The following PHF10 variants were observed in gnomAD, a reference collection of about 807,000 sequenced individuals.
The protein encoded by PHF10 is PHD finger protein 10.
In PHF10, 51 loss-of-function variants were observed where a neutral mutation model predicts 68.5. That is an observed-to-expected ratio of 0.74 (90% CI 0.59 to 0.94). The LOEUF is 0.94. Among genes scored for constraint, PHF10 ranks in the 40% least tolerant of loss-of-function variants. The pLI, the probability that PHF10 is intolerant of heterozygous loss-of-function variation, is 0.00. For synonymous variants in PHF10, 204 were observed against 203.5 expected, an observed-to-expected ratio of 1.00 and a Z score of -0.02; for missense variants, 460 against 602.6, an observed-to-expected ratio of 0.76 and a Z score of 2.48.
Position 169,704,044 on chromosome 6 carries a change from T to C in PHF10, c.1456A>G (p.Arg486Gly). 1.3e-6 allele frequency: 2 copies of C among 1,598,582 alleles called. No homozygotes were observed. The highest frequency in any genetic ancestry group is 8.5e-7 in the Non-Finnish European group (1 of 1,175,532). ...TTTTTCCCCCTTCTGCCCACTTTCC[T>C]GGGTGTTGGGGGGGCCCGCTGACAA... ...DCCQRAPPTPRKVGRRGKNSK... is the reference protein window; with the variant it reads ...DCCQRAPPTPGKVGRRGKNSK... Residue 486 changes from arginine to glycine, a missense_variant, in exon 12 of 12, where the codon AGG (arginine) becomes GGG (glycine). Physicochemically the swap from Arg to Gly is moderately radical, Grantham distance 125 (BLOSUM62 -2). This residue lies in a region of PHF10 where 111 missense variants were observed against 109.7 expected (regional missense o/e 1.01). Transcript: ENST00000339209.
intron 1 of PHF10, among the ~76,000 whole-genome samples, chr6:169,723,384 T>C (rs1034780811): frequency 1.3e-5 from 2 of 152,242 alleles, no homozygotes; most frequent in East Asian, 1.9e-4. Flanking sequence ...AACTTAGTTA[T>C]TACAGTAAGT....
chr6:169,716,712 C>T (rs1029802078), intron 4 of PHF10, among the ~76,000 whole-genome samples: 2 of 152,142 alleles, frequency 1.3e-5, no homozygotes, highest in African/African-American at 4.8e-5. Flanking sequence ...GAAAATTTGC[C>T]TTTTTGCATT....
At chr6:169,718,381 G>A (rs186867595) in intron 3 of PHF10, among the ~76,000 whole-genome samples, 224 of 152,288 alleles carry the variant, frequency 1.5e-3, no homozygotes, top group African/African-American at 5.2e-3. Flanking sequence ...ATGAAACACA[G>A]CCAGGCGTGG....
In PHF10 at chr6:169,703,935, A is replaced by C; in HGVS notation, c.*68T>G. ...AAAAAAAATCTTTTATTGGCATGAA[A>C]ATAATGTTGTAAATGGCACCAAATA... On this transcript the variant is annotated 3_prime_UTR_variant, in exon 12 of 12. Coordinates refer to ENST00000339209, the MANE Select transcript of PHF10 (RefSeq NM_018288.4). The C allele has an allele frequency of 7.9e-7, 1 of 1,268,368 alleles. No homozygotes were observed. The highest frequency in any genetic ancestry group is 1.1e-6 in the Non-Finnish European group (1 of 916,190). The allele number at this position is 1,268,368 out of a possible 1,614,324, so 78.6% of individuals were successfully genotyped here. A position where few individuals can be genotyped will look rare whatever the true frequency, so the allele number is the denominator to read the frequency against.
intron 9 of PHF10, chr6:169,709,190 C>T (rs975997564): frequency 6.6e-6 from 1 of 151,634 alleles, no homozygotes; most frequent in African/African-American, 2.4e-5. Flanking sequence ...CATGTTAGAA[C>T]GTGTTCTAGT....
chr6:169,716,432 G>A (rs138235092), intron 4 of PHF10, among the ~76,000 whole-genome samples: 22 of 151,114 alleles, frequency 1.5e-4, no homozygotes, highest in African/African-American at 4.9e-5. Context: ...AATACTAGAT[G>A]AATAAAAAAA....
chr6:169,718,004 A>G, intron 3 of PHF10, 98 bp from the exon 4 acceptor site: 1 of 535,364 alleles, frequency 1.9e-6, no homozygotes, highest in Non-Finnish European at 3.4e-6. Flanking sequence ...TAAAGTATTC[A>G]TATTACATAT....
rs1004674433 is a variant in PHF10, at chr6:169,715,348, A to G, written c.693+360T>C. 6.4e-4 allele frequency among the ~76,000 whole-genome samples: 98 copies of G among 152,116 alleles called. 5 individuals carry two copies. The highest frequency in any genetic ancestry group is 4.4e-5 in the Non-Finnish European group (3 of 68,024). ...AAAAATAACATCTCAACTTCTGAGG[A>G]AAAAAAGAACACGCAGGTGTCAGCA... On this transcript the variant is annotated intron_variant, in intron 6 of 11. Coordinates refer to ENST00000339209, the MANE Select transcript of PHF10 (RefSeq NM_018288.4).
At chr6:169,704,608 T>G (rs1310217412) in intron 11 of PHF10, 1 of 169,498 alleles carries the variant, frequency 5.9e-6, no homozygotes, top group Non-Finnish European at 1.4e-5. Context: ...GAAACTTCGT[T>G]GTAGGCATAT....
At position 169,712,465 on chromosome 6, in the gene PHF10, G is replaced by T. The variant is rs775853465; in HGVS notation, c.878C>A (p.Pro293His). The T allele has an allele frequency of 1.2e-6, 2 of 1,613,914 alleles. No homozygotes were observed. The highest frequency in any genetic ancestry group is 2.2e-5 in the South Asian group (2 of 91,076). ...LYEPPLDPEL[P>H]ALDSDGDSDD... ...TGAATCACCATCACTGTCTAGAGCA[G>T]GGAGCTCAGGATCCAGAGGGGGCTC... The change falls in exon 8 of 12, where the codon CCT (proline) becomes CAT (histidine). Residue 293 changes from proline (P) to histidine (H), a missense_variant. Pro to His is a moderately conservative substitution (Grantham distance 77). Coordinates refer to ENST00000339209, the MANE Select transcript of PHF10 (RefSeq NM_018288.4).
rs202098084 is a variant in PHF10 at position 169,706,711 on chromosome 6, GACAT to G, written c.1114-991_1114-988del. ...GGCCAAGAATGAAATGGGGTAAGGG[GACAT>G]ACATACATACATACACACACACACA... is the stretch of plus-strand genomic sequence containing the variant. On this transcript the variant is annotated intron_variant, in intron 9 of 11. Transcript: ENST00000339209. Among the ~76,000 whole-genome samples, 415 of 136,558 alleles carry G rather than the reference GACAT, an allele frequency of 3.0e-3. 2 individuals are homozygous for G. Among genetic ancestry groups the G allele is most frequent in the African/African-American group, 8.2e-3 (306 of 37,376 alleles). The allele number at this position is 136,558 out of a possible 152,430, so 89.6% of individuals were successfully genotyped here.
Position 169,705,303 on chromosome 6 carries a change from T to A in PHF10, c.1241A>T (p.Asp414Val). 1 of 1,609,920 alleles carries A rather than the reference T, an allele frequency of 6.2e-7. No homozygotes were observed. Among genetic ancestry groups the A allele is most frequent in the Non-Finnish European group, 8.5e-7 (1 of 1,178,208 alleles). ...CENSGHPSCLDMTMELVSMIK... is the reference protein window; with the variant it reads ...CENSGHPSCLVMTMELVSMIK... ...CATAGAAACAAGCTCCATTGTCATA[T>A]CCAGGCAAGAAGGATGGCCTAAATC... The change falls in exon 11 of 12, where the codon GAT becomes GTT. Residue 414 changes from aspartate (D) to valine (V), a missense_variant. This residue lies in a region of PHF10 where 256 missense variants were observed against 410.5 expected (regional missense o/e 0.62). Coordinates refer to ENST00000339209, the MANE Select transcript of PHF10 (RefSeq NM_018288.4).
chr6:169,718,130 T>C (rs748836512), intron 3 of PHF10, among the ~76,000 whole-genome samples: 1 of 152,162 alleles, frequency 6.6e-6, no homozygotes, highest in Non-Finnish European at 1.5e-5. Context: ...AAGAAGGTCA[T>C]ATAAATAACT....
intron 4 of PHF10, among the ~76,000 whole-genome samples, chr6:169,716,673 G>A (rs1268921439): frequency 6.6e-6 from 1 of 152,116 alleles, no homozygotes; most frequent in Non-Finnish European, 1.5e-5. Flanking sequence ...ATAAAGCACG[G>A]ACATAATTAT....
intron 4 of PHF10, among the ~76,000 whole-genome samples, chr6:169,716,672 G>A (rs1015873704): frequency 6.6e-6 from 1 of 152,030 alleles, no homozygotes; most frequent in African/African-American, 2.4e-5. Context: ...AATAAAGCAC[G>A]GACATAATTA....
chr6:169,723,861 C>T lies in PHF10; in HGVS notation c.71G>A (p.Gly24Glu), dbSNP rs530092231. ...RPCDSDPATPGAQSPKDDNED... is the reference protein window; with the variant it reads ...RPCDSDPATPEAQSPKDDNED... ...CTTCCTCACCTTCGGGGACTGCGCT[C>T]CGGGGGTGGCTGGGTCGCTGTCGCA... The change falls in exon 1 of 12, where the codon GGA (glycine) becomes GAA (glutamate). Residue 24 changes from glycine to glutamate, a missense_variant. Around this residue, in one of 3 missense-constraint regions of PHF10, gnomAD observed 93 missense variants for 82.4 expected, o/e 1.13. Transcript: ENST00000339209. 96 of 1,094,366 alleles carry T rather than the reference C, an allele frequency of 8.8e-5. No homozygotes were observed. In the African/African-American group the frequency reaches 1.4e-3, roughly 16 times the overall value. The allele number at this position is 1,094,366 out of a possible 1,614,324, so 67.8% of individuals were successfully genotyped here.
Position 169,717,619 on chromosome 6 carries a change from C to A in PHF10, c.409+204G>T, listed in dbSNP as rs931465200. On this transcript the variant is annotated intron_variant, in intron 4 of 11. Transcript: ENST00000339209. ...TCACACCATCATGAAGCTGAACCAT[C>A]ATAAGTCAGGAACCACATGTGTGTT... 9 of 471,006 alleles carry A rather than the reference C, an allele frequency of 1.9e-5. No homozygotes were observed. In the South Asian group the frequency reaches 3.4e-4, roughly 18 times the overall value. 29.2% of individuals were successfully genotyped at this position (471,006 alleles called of 1,614,324 possible). A position where few individuals can be genotyped will look rare whatever the true frequency, so the allele number is the denominator to read the frequency against.
chr6:169,723,942 GC>G lies in PHF10; in HGVS notation c.-12del. ...GGCCGCCGCCGCCATCAGCCCGAGC[GC>G]CCCGCGCCGCCGCCGCCGCCGTCGC... On this transcript the variant is annotated 5_prime_UTR_variant, in exon 1 of 12. Transcript: ENST00000339209. 1.1e-6 allele frequency: 1 copy of G among 904,476 alleles called. No individual in the cohort carries two copies. The highest frequency in any genetic ancestry group is 1.3e-6 in the Non-Finnish European group (1 of 755,334). The allele number at this position is 904,476 out of a possible 1,614,324, so 56.0% of individuals were successfully genotyped here.
In PHF10 at chr6:169,723,888, G is replaced by A. The variant is rs1018219018; in HGVS notation, c.44C>T (p.Pro15Leu). The change falls in exon 1 of 12, where the codon CCG becomes CTG. Residue 15 changes from proline (P) to leucine (L), a missense_variant. Physicochemically the swap from Pro to Leu is moderately conservative, Grantham distance 98. Coordinates refer to ENST00000339209, the MANE Select transcript of PHF10 (RefSeq NM_018288.4). ...AGPGAALSPRPCDSDPATPGA... is the reference protein window; with the variant it reads ...AGPGAALSPRLCDSDPATPGA... ...GGGGGTGGCTGGGTCGCTGTCGCACGGCCGCGGGGACAGCGCAGCCCCGGG... is the reference window on the plus strand; with the variant it reads ...GGGGGTGGCTGGGTCGCTGTCGCACAGCCGCGGGGACAGCGCAGCCCCGGG... 62 of 1,090,624 alleles carry A rather than the reference G, an allele frequency of 5.7e-5. No individual in the cohort carries two copies. Among genetic ancestry groups the A allele is most frequent in the Non-Finnish European group, 1.7e-5 (15 of 895,242 alleles). The allele number at this position is 1,090,624 out of a possible 1,614,324, so 67.6% of individuals were successfully genotyped here. A position where few individuals can be genotyped will look rare whatever the true frequency, so the allele number is the denominator to read the frequency against.
Sources: gnomAD v4.1 joint callset for allele counts (sites outside exome capture counted in the v4.1 genomes callset) on GRCh38, gnomAD v4.1.1 for gene constraint, gnomAD v4.1.1 regional missense constraint, MANE v1.5 for transcripts, NCBI Gene and HGNC (gene_info 2026-07-23, HGNC 2026-07-21) for gene names.